The following PCDH11X variants were observed in gnomAD, a reference collection of about 807,000 sequenced individuals.
PCDH11X encodes the protein protocadherin 11 X-linked.
Under a neutral mutation model 53.3 loss-of-function variants are expected in PCDH11X, and 18 were observed. The ratio of observed to expected loss-of-function variants is 0.34; its 90% CI spans 0.23 to 0.50. The LOEUF is 0.50. Among genes scored for constraint, PCDH11X ranks in the 20% least tolerant of loss-of-function variants. The pLI is 0.98. For missense variants in PCDH11X, 570 were observed against 1,032.4 expected (o/e 0.55, Z 6.14); for synonymous variants, 279 against 393.3 (o/e 0.71, Z 3.44).
intron 8 of PCDH11X, among the ~76,000 whole-genome samples, chrX:92,281,672 C>G (rs2068253245): frequency 1.8e-5 from 2 of 111,620 alleles, no homozygotes; most frequent in African/African-American, 3.2e-5. Flanking sequence ...TGTCACATGG[C>G]TTCTTTCCAT....
intron 7 of PCDH11X, among the ~76,000 whole-genome samples, chrX:92,221,896 C>A (rs1046282426): frequency 9.1e-6 from 1 of 110,226 alleles, no homozygotes; most frequent in Admixed American, 9.8e-5. Context: ...GATGCAATCA[C>A]GATCTCAGCT....
intron 7 of PCDH11X, among the ~76,000 whole-genome samples, chrX:92,208,864 A>T (rs1296591739): frequency 9.1e-6 from 1 of 110,483 alleles, no homozygotes; most frequent in African/African-American, 3.3e-5. Context: ...TGGCTGTGGA[A>T]GCCTCAAGAA....
At chrX:92,175,366 C>T (rs1470425103) in intron 6 of PCDH11X, among the ~76,000 whole-genome samples, 1 of 111,488 alleles carries the variant, frequency 9.0e-6, no homozygotes, top group Non-Finnish European at 1.9e-5. Context: ...GAAAATCTGC[C>T]ACAGCCTATA....
chrX:92,300,976 G>A (rs2068709319), intron 8 of PCDH11X, among the ~76,000 whole-genome samples: 1 of 111,531 alleles, frequency 9.0e-6, no homozygotes, highest in African/African-American at 3.3e-5. Context: ...TAGGGTGTAT[G>A]TGCACCCTTG....
intron 6 of PCDH11X, among the ~76,000 whole-genome samples, chrX:92,146,892 G>C (rs1187819981): frequency 9.1e-6 from 1 of 110,191 alleles, no homozygotes; most frequent in South Asian, 3.9e-4. Flanking sequence ...CCAGCTACTC[G>C]GGAGGCTGAG....
intron 10 of PCDH11X, among the ~76,000 whole-genome samples, chrX:92,585,914 ATAT>A (rs1924334686): frequency 9.9e-6 from 1 of 100,756 alleles, no homozygotes; most frequent in African/African-American, 3.7e-5. Flanking sequence ...ATATTCAATA[ATAT>A]TATTCATGGG....
intron 6 of PCDH11X, among the ~76,000 whole-genome samples, chrX:92,152,652 T>A (rs749883695): frequency 2.1e-3 from 237 of 112,033 alleles, no homozygotes; most frequent in African/African-American, 7.3e-3. Context: ...TGAAGTTCAC[T>A]TCAGAATGAC....
chrX:91,901,751 C>A (rs1169169403), intron 6 of PCDH11X, among the ~76,000 whole-genome samples: 1 of 111,633 alleles, frequency 9.0e-6, no homozygotes, highest in East Asian at 2.8e-4. Context: ...CAAGATAAAA[C>A]GTAAAGACAA....
At chrX:91,866,016 A>C (rs1423758879) in intron 5 of PCDH11X, among the ~76,000 whole-genome samples, 3 of 108,902 alleles carry the variant, frequency 2.8e-5, no homozygotes, top group African/African-American at 1.0e-4. Context: ...CTGGTACCTG[A>C]AGCCAGCTGT....
At chrX:92,470,696 A>G (rs1184210782) in intron 10 of PCDH11X, among the ~76,000 whole-genome samples, 2 of 111,751 alleles carry the variant, frequency 1.8e-5, no homozygotes, top group Admixed American at 1.9e-4. Flanking sequence ...TTCAGCATCA[A>G]TTGAAATAAT....
intron 9 of PCDH11X, among the ~76,000 whole-genome samples, chrX:92,448,792 A>G (rs2072715173): frequency 9.0e-6 from 1 of 111,118 alleles, no homozygotes; most frequent in Non-Finnish European, 1.9e-5. Context: ...AGTTTTGGCT[A>G]AGTAGTATAT....
At chrX:92,474,657 A>G (rs2148666998) in intron 10 of PCDH11X, among the ~76,000 whole-genome samples, 1 of 91,799 alleles carries the variant, frequency 1.1e-5, no homozygotes, top group East Asian at 3.4e-4. Flanking sequence ...TGCAAATACT[A>G]TCTTATAACC....
At chrX:91,962,158 T>G (rs2061797174) in intron 6 of PCDH11X, among the ~76,000 whole-genome samples, 1 of 107,457 alleles carries the variant, frequency 9.3e-6, no homozygotes, top group Non-Finnish European at 1.9e-5. Flanking sequence ...CTCCAATGCC[T>G]TAACTTATTC....
chrX:91,972,880 C>T lies in PCDH11X; in HGVS notation c.3033+93607C>T, dbSNP rs35371098. 9.2e-4 allele frequency among the ~76,000 whole-genome samples: 102 copies of T among 111,125 alleles called. 1 individual carries two copies. Among genetic ancestry groups the T allele is most frequent in the African/African-American group, 3.1e-3 (94 of 30,514 alleles). On this transcript the variant is annotated intron_variant, in intron 6 of 10. Coordinates refer to ENST00000682573, the MANE Select transcript of PCDH11X (RefSeq NM_032968.5). ...TCAACCATTGTGGAAGTCAGTGTGG[C>T]GATTCCTCATGGATCTAGAACTAGA...
intron 8 of PCDH11X, 148 bp from the exon 9 acceptor site, chrX:92,387,587 A>C: frequency 9.8e-7 from 1 of 1,024,482 alleles, no homozygotes; most frequent in Non-Finnish European, 1.3e-6. Context: ...GAATTGTGTT[A>C]TTCACAAAAG....
chrX:92,539,627 A>G (rs769184672), intron 10 of PCDH11X, among the ~76,000 whole-genome samples: 2 of 111,657 alleles, frequency 1.8e-5, no homozygotes, highest in South Asian at 7.5e-4. Flanking sequence ...TGGTAAGGCC[A>G]TGTTTTCCTT....
At position 92,479,914 on chromosome X, in the gene PCDH11X, G is replaced by A. The variant is rs779360082; in HGVS notation, c.3367+11592G>A. On this transcript the variant is annotated intron_variant, in intron 10 of 10. Coordinates refer to ENST00000682573, the MANE Select transcript of PCDH11X (RefSeq NM_032968.5). The stretch of plus-strand genomic sequence containing the variant: ...GCTTGTATAGCTAGGTTGGGGAAGT[G>A]ACCATGGATGATATCCTGAAATATG... 4.5e-5 allele frequency among the ~76,000 whole-genome samples: 5 copies of A among 111,305 alleles called. No individual in the cohort carries two copies. In the South Asian group the frequency reaches 1.1e-3, roughly 25 times the overall value.
chrX:92,546,445 T>C (rs2074856506), intron 10 of PCDH11X, among the ~76,000 whole-genome samples: 1 of 111,281 alleles, frequency 9.0e-6, no homozygotes, highest in African/African-American at 3.3e-5. Flanking sequence ...TCTGTATATA[T>C]AACACTTTTT....
chrX:92,348,462 A>G (rs1385164233), intron 8 of PCDH11X, among the ~76,000 whole-genome samples: 1 of 109,441 alleles, frequency 9.1e-6, no homozygotes, highest in African/African-American at 3.3e-5. Flanking sequence ...GATTGAGACC[A>G]TTCATCTATG....
Sources: allele counts gnomAD v4.1 joint callset (sites outside exome capture counted in the v4.1 genomes callset), GRCh38; gene constraint gnomAD v4.1.1; transcripts MANE v1.5; gene names NCBI Gene and HGNC (gene_info 2026-07-23, HGNC 2026-07-21).